Variants in DGKI observed in about 807,000 individuals in gnomAD.
DGKI encodes the protein DAG kinase iota.
A neutral mutation model predicts 147.5 loss-of-function variants in DGKI; 55 were observed. That is an observed-to-expected ratio of 0.37 (90% CI 0.30 to 0.47). The LOEUF (loss-of-function observed/expected upper bound fraction) is 0.47, where lower values mean the gene tolerates loss of function less well. DGKI is among the 20% of genes least tolerant of loss of function. The pLI, the probability that DGKI is intolerant of heterozygous loss-of-function variation, is 1.00. For missense variants in DGKI, 1,007 were observed against 1,323.8 expected (o/e 0.76, Z 3.71); for synonymous variants, 469 against 477.1 (o/e 0.98, Z 0.22).
chr7:137,590,851 C>T (rs1819584441), intron 12 of DGKI, among the ~76,000 whole-genome samples: 1 of 152,176 alleles, frequency 6.6e-6, no homozygotes, highest in South Asian at 2.1e-4. Flanking sequence ...AGTCACCACA[C>T]CAGGCTAATT....
intron 6 of DGKI, among the ~76,000 whole-genome samples, chr7:137,637,789 T>C (rs1821365962): frequency 6.6e-6 from 1 of 152,256 alleles, no homozygotes; most frequent in South Asian, 2.1e-4. Flanking sequence ...ATGCTTTTTC[T>C]TTAACAAGAG....
intron 28 of DGKI, among the ~76,000 whole-genome samples, chr7:137,425,252 G>A (rs905851749): frequency 6.6e-6 from 1 of 152,232 alleles, no homozygotes; most frequent in Non-Finnish European, 1.5e-5. Flanking sequence ...AAAATCTGCT[G>A]TTCTGCAGCG....
chr7:137,468,021 T>G (rs1036585637), intron 24 of DGKI, among the ~76,000 whole-genome samples: 4 of 149,090 alleles, frequency 2.7e-5, no homozygotes, highest in African/African-American at 9.8e-5. Context: ...CCAAAAAGAA[T>G]TATGTGCTTC....
chr7:137,414,100 A>AATT (rs1353672901), intron 28 of DGKI, among the ~76,000 whole-genome samples: 1 of 152,170 alleles, frequency 6.6e-6, no homozygotes, highest in Non-Finnish European at 1.5e-5. Flanking sequence ...TCATGCATTA[A>AATT]ATTACATAGA....
In DGKI at chr7:137,778,259, A is replaced by G. The variant is rs1160275601; in HGVS notation, c.401+68203T>C. Among the ~76,000 whole-genome samples the G allele has an allele frequency of 3.3e-5, 5 of 152,320 alleles. No homozygotes were observed. In the South Asian group the frequency reaches 1.0e-3, roughly 32 times the overall value. ...GAGGCATTTTAGTCAGGATCATGAT[A>G]TAAGCCCAAGAAGGGGAGACTTTTA... On this transcript the variant is annotated intron_variant, in intron 1 of 32. Transcript: ENST00000614521.
intron 1 of DGKI, among the ~76,000 whole-genome samples, chr7:137,781,873 A>G (rs1167163738): frequency 2.6e-5 from 4 of 152,246 alleles, no homozygotes; most frequent in Non-Finnish European, 1.5e-5. Context: ...GAGCATGGTC[A>G]TCTCAAGTGC....
intron 21 of DGKI, among the ~76,000 whole-genome samples, chr7:137,502,217 G>C (rs1008907441): frequency 1.3e-5 from 2 of 152,174 alleles, no homozygotes; most frequent in African/African-American, 4.8e-5. Flanking sequence ...AAGTAGCATT[G>C]AGAGAAGGAT....
At chr7:137,777,087 G>A (rs75604170) in intron 1 of DGKI, among the ~76,000 whole-genome samples, 3,363 of 152,070 alleles carry the variant, frequency 0.022, 145 homozygotes, top group African/African-American at 0.078. Flanking sequence ...TAGCTAACCA[G>A]GAGGCTAGAG....
At chr7:137,619,354 CCTGTGT>C (rs1400351929) in intron 8 of DGKI, among the ~76,000 whole-genome samples, 1 of 152,144 alleles carries the variant, frequency 6.6e-6, no homozygotes, top group Non-Finnish European at 1.5e-5. Flanking sequence ...TCTAAGCAGG[CCTGTGT>C]ATTCAGGAAG....
At chr7:137,780,438 A>G (rs1430640898) in intron 1 of DGKI, among the ~76,000 whole-genome samples, 2 of 152,182 alleles carry the variant, frequency 1.3e-5, no homozygotes, top group Non-Finnish European at 2.9e-5. Context: ...CTTAGGGGAA[A>G]TCTATCATTG....
At chr7:137,459,754 G>A (rs1814356864) in intron 27 of DGKI, among the ~76,000 whole-genome samples, 1 of 152,040 alleles carries the variant, frequency 6.6e-6, no homozygotes, top group Non-Finnish European at 1.5e-5. Flanking sequence ...GATTACAGGC[G>A]TGAGCCACTG....
intron 28 of DGKI, among the ~76,000 whole-genome samples, chr7:137,412,483 C>T (rs1440712223): frequency 6.6e-6 from 1 of 152,108 alleles, no homozygotes; most frequent in Non-Finnish European, 1.5e-5. Context: ...GTTCAAATCT[C>T]AACTCTGATA....
intron 27 of DGKI, among the ~76,000 whole-genome samples, chr7:137,459,598 C>CCG (rs915894611): frequency 6.6e-6 from 1 of 151,498 alleles, no homozygotes; most frequent in Non-Finnish European, 1.5e-5. Flanking sequence ...CCTCAGCCTC[C>CCG]CGAGTAGCTG....
chr7:137,711,364 A>C (rs2116566814), intron 1 of DGKI, among the ~76,000 whole-genome samples: 1 of 152,342 alleles, frequency 6.6e-6, no homozygotes, highest in Non-Finnish European at 1.5e-5. Context: ...TGAAAGCAGA[A>C]CAGATAAATA....
intron 21 of DGKI, among the ~76,000 whole-genome samples, chr7:137,499,689 T>C (rs1030072475): frequency 1.3e-5 from 2 of 152,130 alleles, no homozygotes; most frequent in South Asian, 4.1e-4. Flanking sequence ...GACTGGAAGA[T>C]ATACCACCAG....
At chr7:137,619,979 A>G in intron 7 of DGKI, 39 bp from the exon 8 acceptor site, 1 of 1,449,062 alleles carries the variant, frequency 6.9e-7, no homozygotes. Flanking sequence ...TTCTGGTCAA[A>G]GAGTAATGCT....
Position 137,735,057 on chromosome 7 carries a change from T to G in DGKI, c.402-45055A>C, listed in dbSNP as rs1258806739. ...TGGTACCATGTTAACATCTCTTCAC[T>G]GATTTCCCTGTTTCCACTCTAGCTA... On this transcript the variant is annotated intron_variant, in intron 1 of 32. Transcript: ENST00000614521. Among the ~76,000 whole-genome samples, 4 of 152,134 alleles carry G rather than the reference T, an allele frequency of 2.6e-5. No individual in the cohort carries two copies. The South Asian group carries it at 8.3e-4, about 31-fold the overall frequency.
At chr7:137,495,806 C>T (rs527668502) in intron 21 of DGKI, among the ~76,000 whole-genome samples, 2 of 152,020 alleles carry the variant, frequency 1.3e-5, no homozygotes, top group South Asian at 2.1e-4. Context: ...AAGGAACATG[C>T]TTCAAAATAA....
At chr7:137,650,474 T>G (rs1821984958) in intron 5 of DGKI, among the ~76,000 whole-genome samples, 1 of 152,212 alleles carries the variant, frequency 6.6e-6, no homozygotes, top group South Asian at 2.1e-4. Flanking sequence ...GGACTGGGGT[T>G]TGTGTCCCCT....
Sources: allele counts gnomAD v4.1 joint callset (sites outside exome capture counted in the v4.1 genomes callset), GRCh38; gene constraint gnomAD v4.1.1; transcripts MANE v1.5; gene names NCBI Gene and HGNC (gene_info 2026-07-23, HGNC 2026-07-21).